The following PPP6R2 variants were observed in gnomAD, a reference collection of about 807,000 sequenced individuals.
PPP6R2 encodes the protein serine/threonine-protein phosphatase 6 regulatory subunit 2.
A neutral mutation model predicts 100.2 loss-of-function variants in PPP6R2; 62 were observed. The observed-to-expected ratio is 0.62, with a 90% CI of 0.50 to 0.76. The LOEUF (loss-of-function observed/expected upper bound fraction) is 0.76, where lower values mean the gene tolerates loss of function less well. Among genes scored for constraint, PPP6R2 ranks in the 30% least tolerant of loss-of-function variants. PPP6R2 has a pLI of 0.00. For missense variants in PPP6R2, 1,142 were observed against 1,276.3 expected (o/e 0.89, Z 1.60); for synonymous variants, 525 against 514.7 (o/e 1.02, Z -0.27).
chr22:50,444,462 CAG>C lies in PPP6R2; in HGVS notation c.*218_*219del. The stretch of plus-strand genomic sequence containing the variant: ...AGGTCACTCGTGCCCTGCTGGAGGA[CAG>C]AGGGGCACCTCAGCCGCCCCCAAGC... On this transcript the variant is annotated 3_prime_UTR_variant, in exon 24 of 24. Transcript: ENST00000612753. 1 of 525,924 alleles carries C rather than the reference CAG, an allele frequency of 1.9e-6. No homozygotes were observed. The highest frequency in any genetic ancestry group is 2.3e-5 in the South Asian group (1 of 43,570). The allele number at this position is 525,924 out of a possible 1,614,324, so 32.6% of individuals were successfully genotyped here.
intron 1 of PPP6R2, among the ~76,000 whole-genome samples, chr22:50,370,522 C>CAA (rs1483308654): frequency 6.6e-6 from 1 of 151,640 alleles, no homozygotes; most frequent in Non-Finnish European, 1.5e-5. Flanking sequence ...TGCCTGACCT[C>CAA]GTGATCCACC....
chr22:50,422,532 C>A, intron 9 of PPP6R2, 152 bp downstream of exon 9: 1 of 1,105,806 alleles, frequency 9.0e-7, no homozygotes, highest in Non-Finnish European at 1.3e-6. Flanking sequence ...ACTTGAGAAG[C>A]ACCGGGCAGG....
chr22:50,405,313 GGA>G (rs1256532627), intron 3 of PPP6R2, among the ~76,000 whole-genome samples: 3 of 150,596 alleles, frequency 2.0e-5, no homozygotes, highest in African/African-American at 7.3e-5. Context: ...TGAGAGGCCT[GGA>G]GAGAGGTGAG....
intron 2 of PPP6R2, among the ~76,000 whole-genome samples, chr22:50,378,238 G>A (rs901672454): frequency 4.6e-5 from 7 of 152,168 alleles, no homozygotes; most frequent in African/African-American, 1.7e-4. Context: ...TGTGCTGAAA[G>A]TAAAACAATT....
chr22:50,390,091 A>G (rs1311462805), intron 2 of PPP6R2, among the ~76,000 whole-genome samples: 1 of 146,382 alleles, frequency 6.8e-6, no homozygotes, highest in Non-Finnish European at 1.5e-5. Flanking sequence ...TCTCGGGTTC[A>G]GGCGATTCTC....
At chr22:50,376,913 G>A (rs1157642817) in intron 2 of PPP6R2, among the ~76,000 whole-genome samples, 1 of 152,084 alleles carries the variant, frequency 6.6e-6, no homozygotes, top group Non-Finnish European at 1.5e-5. Context: ...TGTAGTCCCA[G>A]CTACTCGGGA....
the PPP6R2 span, among the ~76,000 whole-genome samples, chr22:50,334,164 G>T: frequency 6.6e-6 from 1 of 152,272 alleles, no homozygotes; most frequent in Non-Finnish European, 1.5e-5. Flanking sequence ...CCTCCGGATG[G>T]CTGCGGGCGG....
chr22:50,442,767 T>A (rs1304194001), intron 22 of PPP6R2, among the ~76,000 whole-genome samples: 2 of 151,836 alleles, frequency 1.3e-5, no homozygotes, highest in Non-Finnish European at 2.9e-5. Context: ...TTAGCCAGTA[T>A]GGTCTCGATC....
chr22:50,351,942 C>T (rs893674193), intron 1 of PPP6R2, among the ~76,000 whole-genome samples: 1 of 152,160 alleles, frequency 6.6e-6, no homozygotes, highest in Non-Finnish European at 1.5e-5. Flanking sequence ...TACAGGTGCA[C>T]ACCACCATGC....
intron 3 of PPP6R2, among the ~76,000 whole-genome samples, chr22:50,396,984 T>C (rs1416998771): frequency 6.6e-6 from 1 of 152,012 alleles, no homozygotes; most frequent in East Asian, 1.9e-4. Flanking sequence ...TGGTGACAAA[T>C]TAGAGTTGAG....
At chr22:50,373,163 T>C (rs147822134) in intron 2 of PPP6R2, among the ~76,000 whole-genome samples, 1 of 152,004 alleles carries the variant, frequency 6.6e-6, no homozygotes, top group Non-Finnish European at 1.5e-5. Context: ...CTTCCAGCAA[T>C]ATAAGATACT....
At position 50,419,353 on chromosome 22, in the gene PPP6R2, G is replaced by A. The variant is rs1249161924; in HGVS notation, c.736G>A (p.Asp246Asn). ...DPLLTALESQ[D>N]CVEQLLKNMF... The stretch of plus-strand genomic sequence containing the variant: ...ACCTCTGTGTGTGTCCAGCAGGCAG[G>A]ACTGTGTGGAGCAGCTTCTGAAGAA... The change falls in exon 8 of 24, where the codon GAC (aspartate) becomes AAC (asparagine). Residue 246 changes from aspartate to asparagine, a missense_variant. Physicochemically the swap from Asp to Asn is conservative, Grantham distance 23. This residue lies in a region of PPP6R2 where 592 missense variants were observed against 758.9 expected (regional missense o/e 0.78). Coordinates refer to ENST00000612753, the MANE Select transcript of PPP6R2 (RefSeq NM_001242898.2). 4 of 1,614,046 alleles carry A rather than the reference G, an allele frequency of 2.5e-6. No homozygotes were observed. Among genetic ancestry groups the A allele is most frequent in the Non-Finnish European group, 3.4e-6 (4 of 1,179,924 alleles).
In PPP6R2 at chr22:50,443,958, CTACTGTGGCCA is replaced by C; in HGVS notation, c.2674_2684del (p.Thr892HisfsTer97). ...CCAGCCGTGGCTGTGCCCCCCGAGG[CTACTGTGGCCA>C]TCACCACAGCACTGAGCAAGGCTGG... On this transcript the variant is annotated frameshift_variant, in exon 23 of 24. Coordinates refer to ENST00000612753, the MANE Select transcript of PPP6R2 (RefSeq NM_001242898.2). LOFTEE classifies it high-confidence loss of function. 1 of 1,611,632 alleles carries C rather than the reference CTACTGTGGCCA, an allele frequency of 6.2e-7. No individual in the cohort carries two copies. Among genetic ancestry groups the C allele is most frequent in the Non-Finnish European group, 8.5e-7 (1 of 1,179,406 alleles).
chr22:50,395,583 C>G (rs2056616507), intron 3 of PPP6R2, among the ~76,000 whole-genome samples: 2 of 152,076 alleles, frequency 1.3e-5, no homozygotes, highest in African/African-American at 4.8e-5. Context: ...TTTTTTGAGA[C>G]AAGGTCTCAC....
upstream of PPP6R2, among the ~76,000 whole-genome samples, chr22:50,338,348 GTGGTATA>G (rs931244426): frequency 3.9e-5 from 5 of 129,654 alleles, no homozygotes; most frequent in Admixed American, 7.7e-5. Flanking sequence ...TGTAGTGTGT[GTGGTATA>G]TGGTGTGTGG....
At chr22:50,341,749 C>T (rs1440107114), upstream of PPP6R2, among the ~76,000 whole-genome samples, 1 of 151,778 alleles carries the variant, frequency 6.6e-6, no homozygotes, top group Non-Finnish European at 1.5e-5. Flanking sequence ...AATCCCAGCA[C>T]TCTGGGAGGC....
At chr22:50,378,897 A>C in intron 2 of PPP6R2, among the ~76,000 whole-genome samples, 1 of 151,926 alleles carries the variant, frequency 6.6e-6, no homozygotes, top group East Asian at 1.9e-4. Flanking sequence ...AAAAAAAAAA[A>C]AAAGGTGAGG....
At chr22:50,409,998 G>A (rs2059517013) in intron 4 of PPP6R2, among the ~76,000 whole-genome samples, 1 of 152,170 alleles carries the variant, frequency 6.6e-6, no homozygotes, top group African/African-American at 2.4e-5. Context: ...AAAGTGCTGG[G>A]ATTACAGGTG....
chr22:50,406,725 T>A lies in PPP6R2; in HGVS notation c.264T>A (p.Asp88Glu), dbSNP rs752363053. Reference sequence around the variant, plus strand: ...CAGCCTGTGAGCTTCTGACTTGTGATGTGCCGCAGATCAGCGACCGCCTCG... The same window carrying A: ...CAGCCTGTGAGCTTCTGACTTGTGAAGTGCCGCAGATCAGCGACCGCCTCG... ...PNTACELLTC[D>E]VPQISDRLGG... Residue 88 changes from aspartate to glutamate, a missense_variant, in exon 4 of 24, where the codon GAT (aspartate) becomes GAA (glutamate). Asp to Glu is a conservative substitution (Grantham distance 45). Around this residue, in one of 2 missense-constraint regions of PPP6R2, gnomAD observed 592 missense variants for 758.9 expected, o/e 0.78. Transcript: ENST00000612753. 2 of 1,614,018 alleles carry A rather than the reference T, an allele frequency of 1.2e-6. No homozygotes were observed. The highest frequency in any genetic ancestry group is 4.5e-5 in the East Asian group (2 of 44,892).
Sources: gnomAD v4.1 joint callset for allele counts (sites outside exome capture counted in the v4.1 genomes callset) on GRCh38, gnomAD v4.1.1 for gene constraint, gnomAD v4.1.1 regional missense constraint, MANE v1.5 for transcripts, NCBI Gene and HGNC (gene_info 2026-07-23, HGNC 2026-07-21) for gene names.